Variants in CCDC146 observed in about 807,000 individuals in gnomAD.
CCDC146 encodes the protein coiled-coil domain-containing protein 146.
A neutral mutation model predicts 119.3 loss-of-function variants in CCDC146; 92 were observed. That is an observed-to-expected ratio of 0.77 (90% confidence interval 0.65 to 0.92). CCDC146 has a LOEUF of 0.92. Ranked by LOEUF, CCDC146 falls within the 40% of genes least tolerant of loss-of-function variation. CCDC146 has a pLI of 0.00. For missense variants in CCDC146, 1,000 were observed against 1,103.0 expected, an observed-to-expected ratio of 0.91 and a Z score of 1.32; for synonymous variants, 372 against 371.8, an observed-to-expected ratio of 1.00 and a Z score of -0.01.
At position 77,278,485 on chromosome 7, in the gene CCDC146, G is replaced by A. The variant is rs576781454; in HGVS notation, c.1441-267G>A. Among the ~76,000 whole-genome samples the A allele has an allele frequency of 2.1e-3, 263 of 122,772 alleles. 1 individual carries two copies. Among genetic ancestry groups the A allele is most frequent in the Non-Finnish European group, 2.7e-3 (172 of 63,634 alleles). 80.5% of individuals were successfully genotyped at this position (122,772 alleles called of 152,430 possible). On this transcript the variant is annotated intron_variant, in intron 11 of 18. Transcript: ENST00000285871. ...TGGAGAGACAGGATCTTACTTTGTCGCCCAGGCTGGAGCGGAGTGATGCAA... is the reference window on the plus strand; with the variant it reads ...TGGAGAGACAGGATCTTACTTTGTCACCCAGGCTGGAGCGGAGTGATGCAA...
At chr7:77,209,232 C>T (rs143861442) in intron 2 of CCDC146, among the ~76,000 whole-genome samples, 93 of 152,298 alleles carry the variant, frequency 6.1e-4, no homozygotes, top group East Asian at 4.8e-3. Flanking sequence ...GGAGCACAGG[C>T]GTTGAGTAAA....
Position 77,214,813 on chromosome 7 carries a change from C to T in CCDC146, c.157-22134C>T, listed in dbSNP as rs542636822. The stretch of plus-strand genomic sequence containing the variant: ...TGTGTGTCTATTTTTGCACCAGTAC[C>T]GTGCTATTTTGGTTACTACAGCCTT... On this transcript the variant is annotated intron_variant, in intron 2 of 18. Coordinates refer to ENST00000285871, the MANE Select transcript of CCDC146 (RefSeq NM_020879.3). 4.3e-4 allele frequency among the ~76,000 whole-genome samples: 65 copies of T among 152,076 alleles called. 1 individual carries two copies. The highest frequency in any genetic ancestry group is 6.8e-3 in the Middle Eastern group (2 of 294).
intron 1 of CCDC146, among the ~76,000 whole-genome samples, chr7:77,124,263 C>A (rs1790663878): frequency 6.6e-6 from 1 of 152,076 alleles, no homozygotes; most frequent in South Asian, 2.1e-4. Flanking sequence ...GCTGATCATA[C>A]AAGGTTGAAA....
intron 18 of CCDC146, 67 bp from the exon 19 acceptor site, chr7:77,294,596 G>C: frequency 2.7e-6 from 4 of 1,484,580 alleles, no homozygotes; most frequent in Non-Finnish European, 3.7e-6. Context: ...TGTCTTTTGG[G>C]ACCTAAGGAT....
intron 4 of CCDC146, among the ~76,000 whole-genome samples, chr7:77,245,691 CA>C (rs1457091315): frequency 6.6e-6 from 1 of 152,046 alleles, no homozygotes; most frequent in Non-Finnish European, 1.5e-5. Context: ...ATTCTTGGTC[CA>C]GTGCTGATAG....
At chr7:77,278,645 ATG>A (rs762892606) in intron 11 of CCDC146, 105 bp from the exon 12 acceptor site, 184 of 734,156 alleles carry the variant, frequency 2.5e-4, no homozygotes, top group Non-Finnish European at 3.9e-4. Flanking sequence ...AGGTCTCACT[ATG>A]TTGCCTAGGC....
intron 1 of CCDC146, among the ~76,000 whole-genome samples, chr7:77,143,748 G>A (rs1236900684): frequency 6.6e-6 from 1 of 151,690 alleles, no homozygotes; most frequent in Non-Finnish European, 1.5e-5. Flanking sequence ...TTATTTCTGA[G>A]GGCTCTGTTC....
chr7:77,235,872 C>T (rs1792725171), intron 2 of CCDC146, among the ~76,000 whole-genome samples: 1 of 152,108 alleles, frequency 6.6e-6, no homozygotes, highest in African/African-American at 2.4e-5. Context: ...GAGTTCAAGA[C>T]CAGCCTGGCT....
chr7:77,275,786 A>G (rs551749287), intron 11 of CCDC146, among the ~76,000 whole-genome samples: 1 of 152,324 alleles, frequency 6.6e-6, no homozygotes, highest in Admixed American at 6.5e-5. Context: ...ATGGTAAGGC[A>G]GCACTCCTGT....
intron 2 of CCDC146, among the ~76,000 whole-genome samples, chr7:77,222,500 G>T (rs2150463876): frequency 6.6e-6 from 1 of 152,288 alleles, no homozygotes; most frequent in South Asian, 2.1e-4. Flanking sequence ...AGCTAAGAAG[G>T]GAGGTGATCT....
chr7:77,260,177 C>T lies in CCDC146; in HGVS notation c.927C>T (p.Asn309=). The T allele has an allele frequency of 1.9e-6, 3 of 1,613,896 alleles. No individual in the cohort carries two copies. The highest frequency in any genetic ancestry group is 2.5e-6 in the Non-Finnish European group (3 of 1,180,008). ...TTGAAATCAAAGAACGAGAACATAA[C>T]CAATTGGTCAAGCTATTGGAATTAG... ...ALLEIKEREH[N]QLVKLLELAR... Residue 309 remains asparagine (N), a synonymous_variant, in exon 8 of 19, where the codon AAC becomes AAT. Coordinates refer to ENST00000285871, the MANE Select transcript of CCDC146 (RefSeq NM_020879.3).
chr7:77,242,345 T>C (rs1182650675), intron 4 of CCDC146: 3 of 992,460 alleles, frequency 3.0e-6, no homozygotes, highest in Non-Finnish European at 2.4e-6. Flanking sequence ...TGGCTCACTC[T>C]ATTCTTCTAA....
intron 2 of CCDC146, among the ~76,000 whole-genome samples, chr7:77,176,098 C>A (rs1342795842): frequency 6.6e-6 from 1 of 151,102 alleles, no homozygotes; most frequent in Admixed American, 6.6e-5. Flanking sequence ...TTTCTTCGTC[C>A]ATACCCATGT....
At chr7:77,220,870 C>T (rs1178050404) in intron 2 of CCDC146, among the ~76,000 whole-genome samples, 2 of 152,106 alleles carry the variant, frequency 1.3e-5, no homozygotes, top group Non-Finnish European at 2.9e-5. Flanking sequence ...AGTCCAGTTT[C>T]CATTGCTGTA....
intron 15 of CCDC146, among the ~76,000 whole-genome samples, chr7:77,283,511 A>T (rs538895357): frequency 2.0e-5 from 3 of 152,212 alleles, no homozygotes; most frequent in Admixed American, 2.0e-4. Flanking sequence ...TTTTTTTTAA[A>T]TGTCAGGTTT....
Position 77,188,066 on chromosome 7 carries a change from C to T in CCDC146, c.156+20242C>T, listed in dbSNP as rs542391303. On this transcript the variant is annotated intron_variant, in intron 2 of 18. Coordinates refer to ENST00000285871, the MANE Select transcript of CCDC146 (RefSeq NM_020879.3). ...AGTACTAGTTTCTGTACCTCGCTTCCGATTCCTGTACGTCACTTTACCTTT... is the reference window on the plus strand; with the variant it reads ...AGTACTAGTTTCTGTACCTCGCTTCTGATTCCTGTACGTCACTTTACCTTT... Among the ~76,000 whole-genome samples the T allele has an allele frequency of 3.8e-4, 58 of 152,308 alleles. 1 individual carries two copies. The highest frequency in any genetic ancestry group is 1.3e-3 in the African/African-American group (52 of 41,558).
intron 2 of CCDC146, among the ~76,000 whole-genome samples, chr7:77,218,443 G>A (rs1297265353): frequency 1.3e-5 from 2 of 152,056 alleles, no homozygotes; most frequent in South Asian, 2.1e-4. Flanking sequence ...CACATTGAAC[G>A]AATGGGGCAG....
chr7:77,273,935 A>C, intron 10 of CCDC146, 146 bp downstream of exon 10: 1 of 485,726 alleles, frequency 2.1e-6, no homozygotes. Flanking sequence ...TCTTCATCTC[A>C]AAGTCCACTC....
intron 11 of CCDC146, among the ~76,000 whole-genome samples, chr7:77,276,278 C>A (rs1793637207): frequency 6.6e-6 from 1 of 151,852 alleles, no homozygotes; most frequent in South Asian, 2.1e-4. Context: ...AAGCACATCC[C>A]TTGTTCTCAG....
Sources: gnomAD v4.1 joint callset for allele counts (sites outside exome capture counted in the v4.1 genomes callset) on GRCh38, gnomAD v4.1.1 for gene constraint, MANE v1.5 for transcripts, NCBI Gene and HGNC (gene_info 2026-07-23, HGNC 2026-07-21) for gene names.